The following TAFA2 variants were observed in gnomAD, a reference collection of about 807,000 sequenced individuals.
TAFA2 encodes TAFA chemokine like family member 2.
Under a neutral mutation model 18.8 loss-of-function variants are expected in TAFA2, and 7 were observed. The ratio of observed to expected loss-of-function variants is 0.37; its 90% CI spans 0.21 to 0.70. The LOEUF is 0.70. Ranked by LOEUF, TAFA2 falls within the 30% of genes least tolerant of loss-of-function variation. The probability of loss-of-function intolerance (pLI) is 0.53; values close to 1 mark genes in which losing one functional copy is unlikely to be tolerated. For synonymous variants in TAFA2, 60 were observed against 54.2 expected, an observed-to-expected ratio of 1.11 and a Z score of -0.47; for missense variants, 122 against 158.1, an observed-to-expected ratio of 0.77 and a Z score of 1.23.
At chr12:61,871,484 A>C (rs2121232239) in intron 1 of TAFA2, among the ~76,000 whole-genome samples, 1 of 152,376 alleles carries the variant, frequency 6.6e-6, no homozygotes, top group East Asian at 1.9e-4. Flanking sequence ...GGCAAAATTT[A>C]AGTGAATTTT....
In TAFA2 at chr12:62,143,895, A is replaced by C. The variant is rs113489957; in HGVS notation, c.-2+47364T>G. 9.1e-3 allele frequency among the ~76,000 whole-genome samples: 1,376 copies of C among 151,922 alleles called. 16 individuals are homozygous for C. Among genetic ancestry groups the C allele is most frequent in the Non-Finnish European group, 0.013 (875 of 67,926 alleles). ...CTCTCTCTACAAAAAATACAAAAAA[A>C]AAATTAGCTGAGCATGGTGGCACAT... On this transcript the variant is annotated intron_variant, in intron 1 of 4. Coordinates refer to ENST00000416284, the MANE Select transcript of TAFA2 (RefSeq NM_178539.5).
intron 2 of TAFA2, among the ~76,000 whole-genome samples, chr12:61,819,121 C>T (rs1200202612): frequency 6.6e-6 from 1 of 152,038 alleles, no homozygotes; most frequent in African/African-American, 2.4e-5. Context: ...TTTATATTTA[C>T]TTGTCTAGTA....
chr12:62,204,501 A>G (rs950729923), intron 1 of TAFA2, among the ~76,000 whole-genome samples: 1 of 151,590 alleles, frequency 6.6e-6, no homozygotes, highest in African/African-American at 2.4e-5. Context: ...ATAAGCCCAT[A>G]GTTCTCGGAG....
intron 1 of TAFA2, among the ~76,000 whole-genome samples, chr12:62,057,036 C>T (rs10877785): frequency 0.33 from 50,553 of 151,990 alleles, 8,993 homozygotes; most frequent in Middle Eastern, 0.48. Context: ...TCCCTGGAAA[C>T]CTTTTTGGTG....
At chr12:62,152,191 T>A (rs975966866) in intron 1 of TAFA2, among the ~76,000 whole-genome samples, 1 of 152,212 alleles carries the variant, frequency 6.6e-6, no homozygotes, top group South Asian at 2.1e-4. Context: ...GAGCATTTTT[T>A]AATTACATTC....
intron 1 of TAFA2, among the ~76,000 whole-genome samples, chr12:61,936,738 T>C (rs1341439756): frequency 6.6e-6 from 1 of 152,126 alleles, no homozygotes; most frequent in Non-Finnish European, 1.5e-5. Context: ...TTGAAACTAT[T>C]TCCCCTGAGA....
At chr12:61,780,209 T>G (rs1418002927) in intron 2 of TAFA2, among the ~76,000 whole-genome samples, 1 of 151,702 alleles carries the variant, frequency 6.6e-6, no homozygotes, top group Non-Finnish European at 1.5e-5. Flanking sequence ...TGCCAACAGG[T>G]GTACATGTGC....
intron 1 of TAFA2, among the ~76,000 whole-genome samples, chr12:62,168,660 C>T (rs1206954786): frequency 1.3e-5 from 2 of 151,998 alleles, no homozygotes; most frequent in Non-Finnish European, 2.9e-5. Context: ...TATGGCAAGA[C>T]CCAGTCTCTA....
chr12:61,746,846 T>C (rs1191502623), intron 4 of TAFA2, among the ~76,000 whole-genome samples: 1 of 152,102 alleles, frequency 6.6e-6, no homozygotes, highest in Non-Finnish European at 1.5e-5. Context: ...AGCATACATA[T>C]TCTTTCTCAC....
At chr12:62,090,947 A>G (rs927622816) in intron 1 of TAFA2, among the ~76,000 whole-genome samples, 9 of 152,070 alleles carry the variant, frequency 5.9e-5, no homozygotes, top group Non-Finnish European at 1.2e-4. Context: ...TACCTCATAT[A>G]TACAGATACT....
intron 1 of TAFA2, among the ~76,000 whole-genome samples, chr12:61,986,840 C>T (rs1227220662): frequency 2.0e-5 from 3 of 152,016 alleles, no homozygotes; most frequent in Non-Finnish European, 2.9e-5. Context: ...TACATAAGAA[C>T]ATAACATTAT....
chr12:61,766,076 T>C (rs796097657), intron 2 of TAFA2, among the ~76,000 whole-genome samples: 4 of 152,220 alleles, frequency 2.6e-5, no homozygotes, highest in African/African-American at 9.6e-5. Flanking sequence ...TGATTTAGCT[T>C]AGGCATCCTT....
Position 61,817,392 on chromosome 12 carries a change from A to G in TAFA2, c.106+49928T>C, listed in dbSNP as rs1872128340. On this transcript the variant is annotated intron_variant, in intron 2 of 4. Transcript: ENST00000416284. ...TTATAGTGAAACTAATACATATTAA[A>G]ATAATACATCCTAATTATTATTAGG... Among the ~76,000 whole-genome samples the G allele has an allele frequency of 1.3e-5, 2 of 152,172 alleles. 1 individual carries two copies. Among genetic ancestry groups the G allele is most frequent in the South Asian group, 4.1e-4 (2 of 4,830 alleles).
rs570120908 is a variant in TAFA2, at chr12:62,173,598, G to A, written c.-2+17661C>T. ...TATCTAGCATAAACCTCATCAATTC[G>A]TTTATTTAACATTTATTAAGTATCT... is the stretch of plus-strand genomic sequence containing the variant. On this transcript the variant is annotated intron_variant, in intron 1 of 4. Coordinates refer to ENST00000416284, the MANE Select transcript of TAFA2 (RefSeq NM_178539.5). 3.9e-5 allele frequency among the ~76,000 whole-genome samples: 6 copies of A among 152,172 alleles called. 1 individual carries two copies. The South Asian group carries it at 6.2e-4, about 16-fold the overall frequency.
chr12:61,791,440 T>C (rs1205597643), intron 2 of TAFA2, among the ~76,000 whole-genome samples: 1 of 151,600 alleles, frequency 6.6e-6, no homozygotes, highest in South Asian at 2.1e-4. Flanking sequence ...AGAGAAACCA[T>C]ACAGAAAGGG....
intron 2 of TAFA2, among the ~76,000 whole-genome samples, chr12:61,843,767 A>G (rs1454835210): frequency 6.6e-6 from 1 of 152,182 alleles, no homozygotes; most frequent in East Asian, 1.9e-4. Flanking sequence ...TGTGAAACAG[A>G]ACTTTCCAAC....
intron 2 of TAFA2, among the ~76,000 whole-genome samples, chr12:61,851,980 G>A (rs1396317466): frequency 1.3e-5 from 2 of 151,682 alleles, no homozygotes; most frequent in Non-Finnish European, 2.9e-5. Context: ...GGCCGAGGGG[G>A]GCAGAGCACC....
chr12:61,972,061 T>G (rs1592522627), intron 1 of TAFA2, among the ~76,000 whole-genome samples: 2 of 151,400 alleles, frequency 1.3e-5, no homozygotes, highest in South Asian at 4.2e-4. Context: ...TTTGTGGGGT[T>G]TTTGTTTGTT....
intron 1 of TAFA2, among the ~76,000 whole-genome samples, chr12:62,216,772 T>C (rs1405369839): frequency 1.3e-5 from 2 of 152,374 alleles, no homozygotes; most frequent in Non-Finnish European, 2.9e-5. Flanking sequence ...GTTAATTCTT[T>C]TGCCCTCTGA....
Sources: gnomAD v4.1 joint callset for allele counts (sites outside exome capture counted in the v4.1 genomes callset) on GRCh38, gnomAD v4.1.1 for gene constraint, MANE v1.5 for transcripts, NCBI Gene and HGNC (gene_info 2026-07-23, HGNC 2026-07-21) for gene names.